NR3C2: variants seen among roughly 807,000 people sequenced by gnomAD.
The protein encoded by NR3C2 is mineralocorticoid receptor.
NR3C2 carries 15 observed loss-of-function variants against 86.4 expected under a neutral mutation model. That is an observed-to-expected ratio of 0.17 (90% CI 0.12 to 0.27). The LOEUF (loss-of-function observed/expected upper bound fraction) is 0.27. Among genes scored for constraint, NR3C2 ranks in the 10% least tolerant of loss-of-function variants. The probability of loss-of-function intolerance (pLI) is 1.00; values close to 1 mark genes in which losing one functional copy is unlikely to be tolerated. For missense variants in NR3C2, 960 were observed against 1,195.6 expected (o/e 0.80, Z 2.91); for synonymous variants, 458 against 450.5 (o/e 1.02, Z -0.21).
intron 3 of NR3C2, chr4:148,208,309 G>A (rs778191617): frequency 6.6e-6 from 1 of 152,254 alleles, no homozygotes. Context: ...CTCCTTGCAG[G>A]ACTGTATTCA....
intron 2 of NR3C2, among the ~76,000 whole-genome samples, chr4:148,432,312 C>T (rs1749832781): frequency 6.6e-6 from 1 of 152,052 alleles, no homozygotes; most frequent in Admixed American, 6.6e-5. Context: ...TTTTAATGGT[C>T]ATTTCAGATA....
At chr4:148,321,671 G>A (rs1364531782) in intron 2 of NR3C2, among the ~76,000 whole-genome samples, 1 of 152,036 alleles carries the variant, frequency 6.6e-6, no homozygotes, top group Admixed American at 6.6e-5. Context: ...TTGGTTTAAA[G>A]TCTGTTTTAT....
chr4:148,135,981 C>T (rs1225458883), intron 6 of NR3C2, among the ~76,000 whole-genome samples: 1 of 109,122 alleles, frequency 9.2e-6, no homozygotes, highest in Non-Finnish European at 1.9e-5. Flanking sequence ...GGCGTGAACC[C>T]GGGAGGCGGA....
intron 4 of NR3C2, among the ~76,000 whole-genome samples, chr4:148,185,471 G>C (rs147475680): frequency 1.8e-3 from 279 of 152,298 alleles, no homozygotes; most frequent in African/African-American, 6.1e-3. Flanking sequence ...ATTGATCAAA[G>C]CAAAGAAGAA....
At chr4:148,302,694 G>T (rs1405127278) in intron 2 of NR3C2, among the ~76,000 whole-genome samples, 3 of 151,894 alleles carry the variant, frequency 2.0e-5, no homozygotes, top group Admixed American at 6.6e-5. Flanking sequence ...TCCCCATAGG[G>T]TCCTAACCTG....
chr4:148,084,569 A>G (rs1730725114), intron 8 of NR3C2, among the ~76,000 whole-genome samples: 1 of 152,244 alleles, frequency 6.6e-6, no homozygotes, highest in Non-Finnish European at 1.5e-5. Flanking sequence ...AACATACCAA[A>G]TTGTAAAGAC....
At chr4:148,103,198 C>T (rs1731619917) in intron 8 of NR3C2, among the ~76,000 whole-genome samples, 1 of 152,174 alleles carries the variant, frequency 6.6e-6, no homozygotes, top group South Asian at 2.1e-4. Flanking sequence ...TCTACCCTGC[C>T]ACTTCCCTTT....
rs567505800 is a variant in NR3C2, at chr4:148,244,729, C to T, written c.1897+15249G>A. Among the ~76,000 whole-genome samples, 16 of 152,310 alleles carry T rather than the reference C, an allele frequency of 1.1e-4. No homozygotes were observed. In the South Asian group the frequency reaches 3.3e-3, roughly 32 times the overall value. ...TTAAAATCAATTATTGCATTATCTTCTCTTTCTTTTAAAAGTTTTTAAGTA... is the reference window on the plus strand; with the variant it reads ...TTAAAATCAATTATTGCATTATCTTTTCTTTCTTTTAAAAGTTTTTAAGTA... On this transcript the variant is annotated intron_variant, in intron 3 of 8. Coordinates refer to ENST00000358102, the MANE Select transcript of NR3C2 (RefSeq NM_000901.5).
At chr4:148,253,555 G>A (rs1271016854) in intron 3 of NR3C2, among the ~76,000 whole-genome samples, 1 of 152,152 alleles carries the variant, frequency 6.6e-6, no homozygotes, top group Non-Finnish European at 1.5e-5. Context: ...TTGGCCATCT[G>A]CATCCACTTT....
intron 4 of NR3C2, among the ~76,000 whole-genome samples, chr4:148,187,859 G>A (rs1386736020): frequency 1.3e-5 from 2 of 152,106 alleles, no homozygotes. Flanking sequence ...TCAGGTATTA[G>A]GTTTAAGTCC....
At chr4:148,205,886 ATGT>A (rs1342390465) in intron 3 of NR3C2, among the ~76,000 whole-genome samples, 1 of 152,178 alleles carries the variant, frequency 6.6e-6, no homozygotes, top group African/African-American at 2.4e-5. Context: ...TAAAAAAAAA[ATGT>A]TGTCAGAAGG....
At chr4:148,096,161 C>CA (rs1363750687) in intron 8 of NR3C2, among the ~76,000 whole-genome samples, 1 of 151,914 alleles carries the variant, frequency 6.6e-6, no homozygotes, top group African/African-American at 2.4e-5. Context: ...GTGAAAAACA[C>CA]AGAGAAAAAT....
intron 4 of NR3C2, among the ~76,000 whole-genome samples, chr4:148,177,255 A>G (rs1735419896): frequency 6.6e-6 from 1 of 152,236 alleles, no homozygotes; most frequent in Admixed American, 6.5e-5. Context: ...ACAAATCAAT[A>G]GTTTTAAAAT....
At chr4:148,153,654 G>A (rs1382303158) in intron 5 of NR3C2, among the ~76,000 whole-genome samples, 2 of 152,158 alleles carry the variant, frequency 1.3e-5, no homozygotes. Flanking sequence ...AATGAACTGG[G>A]ACAATGTAAT....
chr4:148,195,031 A>C (rs1383372885), intron 3 of NR3C2, among the ~76,000 whole-genome samples, 169 bp from the exon 4 acceptor site: 1 of 152,228 alleles, frequency 6.6e-6, no homozygotes, highest in Non-Finnish European at 1.5e-5. Flanking sequence ...GGTCAGCTTA[A>C]TGCAGCTGAG....
chr4:148,345,238 T>C (rs540783746), intron 2 of NR3C2, among the ~76,000 whole-genome samples: 1 of 152,106 alleles, frequency 6.6e-6, no homozygotes, highest in South Asian at 2.1e-4. Context: ...ACACTGGATA[T>C]TTTAGTTAGT....
intron 2 of NR3C2, among the ~76,000 whole-genome samples, chr4:148,335,210 A>G (rs562910818): frequency 1.1e-4 from 16 of 152,328 alleles, no homozygotes; most frequent in African/African-American, 2.9e-4. Context: ...TAACAGACCA[A>G]GTGATTCTAA....
rs1730405479 is a variant in NR3C2, at chr4:148,078,767, T to A, written c.*2577A>T. 1 of 152,620 alleles carries A rather than the reference T, an allele frequency of 6.6e-6. No individual in the cohort carries two copies. Among genetic ancestry groups the A allele is most frequent in the African/African-American group, 2.4e-5 (1 of 41,436 alleles). The allele number at this position is 152,620 out of a possible 1,614,324, so 9.5% of individuals were successfully genotyped here. A position where few individuals can be genotyped will look rare whatever the true frequency, so the allele number is the denominator to read the frequency against. On this transcript the variant is annotated 3_prime_UTR_variant, in exon 9 of 9. Coordinates refer to ENST00000358102, the MANE Select transcript of NR3C2 (RefSeq NM_000901.5). ...GAATTTGCTCCAAAACAACAGGTGATTAAAGTAAAGGATTTATTGTAATCT... is the reference window on the plus strand; with the variant it reads ...GAATTTGCTCCAAAACAACAGGTGAATAAAGTAAAGGATTTATTGTAATCT...
At chr4:148,320,976 T>A (rs1476368453) in intron 2 of NR3C2, among the ~76,000 whole-genome samples, 11 of 149,804 alleles carry the variant, frequency 7.3e-5, no homozygotes, top group Non-Finnish European at 1.2e-4. Context: ...TGTTAGGGTG[T>A]CAATTTTGGA....
Sources: allele counts gnomAD v4.1 joint callset (sites outside exome capture counted in the v4.1 genomes callset), GRCh38; gene constraint gnomAD v4.1.1; transcripts MANE v1.5; gene names NCBI Gene and HGNC (gene_info 2026-07-23, HGNC 2026-07-21).